The following NRXN3 variants were observed in gnomAD, a reference collection of about 807,000 sequenced individuals.
NRXN3 encodes the protein neurexin III.
In NRXN3, 32 loss-of-function variants were observed where a neutral mutation model predicts 137.6. The ratio of observed to expected loss-of-function variants is 0.23; its 90% CI spans 0.18 to 0.31. The LOEUF (loss-of-function observed/expected upper bound fraction) is 0.31. NRXN3 is among the 10% of genes least tolerant of loss of function. NRXN3 has a pLI of 1.00. For missense variants in NRXN3, 1,574 were observed against 2,062.5 expected (o/e 0.76, Z 4.59); for synonymous variants, 798 against 784.5 (o/e 1.02, Z -0.29).
At chr14:79,204,485 TA>T (rs1379573482) in intron 15 of NRXN3, among the ~76,000 whole-genome samples, 4 of 152,032 alleles carry the variant, frequency 2.6e-5, no homozygotes, top group East Asian at 3.9e-4. Context: ...GAGTTGGGTA[TA>T]AAAAGAAACA....
At chr14:78,493,515 C>T (rs1273396789) in intron 4 of NRXN3, among the ~76,000 whole-genome samples, 2 of 144,364 alleles carry the variant, frequency 1.4e-5, no homozygotes, top group Non-Finnish European at 3.0e-5. Context: ...AATCGTGAAA[C>T]TCCATCTCAA....
At chr14:78,368,259 G>T (rs1167878257) in intron 4 of NRXN3, among the ~76,000 whole-genome samples, 1 of 152,176 alleles carries the variant, frequency 6.6e-6, no homozygotes, top group South Asian at 2.1e-4. Context: ...TAAAAACAAT[G>T]TAGAAAGTAA....
intron 15 of NRXN3, among the ~76,000 whole-genome samples, chr14:79,166,256 A>C (rs900344974): frequency 6.6e-6 from 1 of 151,918 alleles, no homozygotes; most frequent in Non-Finnish European, 1.5e-5. Flanking sequence ...AGTAGTTAAA[A>C]AGTAGTACAA....
At chr14:78,328,696 G>T (rs906931812) in intron 4 of NRXN3, among the ~76,000 whole-genome samples, 10 of 152,274 alleles carry the variant, frequency 6.6e-5, no homozygotes, top group Admixed American at 4.6e-4. Flanking sequence ...TTCCAGATAT[G>T]TAATTTTAAT....
chr14:78,522,427 A>G (rs962643469), intron 4 of NRXN3, among the ~76,000 whole-genome samples: 3 of 152,186 alleles, frequency 2.0e-5, no homozygotes, highest in African/African-American at 7.2e-5. Flanking sequence ...TATTCAAGAT[A>G]GGAGAGTAGA....
rs1194930510 is a variant in NRXN3, at chr14:78,938,152, TCGTCACCATATC to T, written c.2276-19088_2276-19077del. Among the ~76,000 whole-genome samples the T allele has an allele frequency of 2.0e-5, 3 of 152,366 alleles. No individual in the cohort carries two copies. In the South Asian group the frequency reaches 6.2e-4, roughly 32 times the overall value. Reference sequence around the variant, plus strand: ...ACATTCTCTGTGTTAGTTCATTTATTCGTCACCATATCCCCTTGATTAAAGTGATGATGAGTC... The same window carrying T: ...ACATTCTCTGTGTTAGTTCATTTATTCCCTTGATTAAAGTGATGATGAGTC... On this transcript the variant is annotated intron_variant, in intron 10 of 20. Transcript: ENST00000335750.
intron 15 of NRXN3, among the ~76,000 whole-genome samples, chr14:79,323,985 C>T (rs149172496): frequency 2.3e-3 from 346 of 152,324 alleles, no homozygotes; most frequent in African/African-American, 7.5e-3. Context: ...TATATTATTT[C>T]TATTGCTGGT....
In NRXN3 at chr14:78,204,065, T is replaced by C. The variant is rs1192425099; in HGVS notation, c.-704+33391T>C. Among the ~76,000 whole-genome samples the C allele has an allele frequency of 2.6e-5, 4 of 152,154 alleles. No homozygotes were observed. The East Asian group carries it at 7.7e-4, about 29-fold the overall frequency. On this transcript the variant is annotated intron_variant, in intron 1 of 20. Coordinates refer to ENST00000335750, the MANE Select transcript of NRXN3 (RefSeq NM_001330195.2). ...GTACTCCATTACAGAGATGTAACAATTTACTTTATTCCTTATTGTTGGATA... is the reference window on the plus strand; with the variant it reads ...GTACTCCATTACAGAGATGTAACAACTTACTTTATTCCTTATTGTTGGATA...
intron 11 of NRXN3, among the ~76,000 whole-genome samples, chr14:78,958,646 C>T (rs531525588): frequency 4.6e-5 from 7 of 152,140 alleles, no homozygotes; most frequent in South Asian, 2.1e-4. Flanking sequence ...TGAGCCATCG[C>T]GCCAGGCCTT....
intron 19 of NRXN3, among the ~76,000 whole-genome samples, chr14:79,800,645 A>G (rs1311468010): frequency 6.6e-6 from 1 of 152,228 alleles, no homozygotes; most frequent in East Asian, 1.9e-4. Flanking sequence ...GTCTATCTGC[A>G]ACATGAAACC....
chr14:79,298,179 T>C (rs2084516968), intron 15 of NRXN3, among the ~76,000 whole-genome samples: 1 of 152,020 alleles, frequency 6.6e-6, no homozygotes, highest in Admixed American at 6.6e-5. Flanking sequence ...TATGAGCAGA[T>C]TGATTTTATA....
At chr14:79,651,548 GA>G (rs1312439785) in intron 16 of NRXN3, among the ~76,000 whole-genome samples, 3 of 151,922 alleles carry the variant, frequency 2.0e-5, no homozygotes, top group African/African-American at 7.3e-5. Context: ...GAAAAAAAAA[GA>G]ATTGTTCCAT....
intron 4 of NRXN3, among the ~76,000 whole-genome samples, chr14:78,454,518 G>T (rs1276716122): frequency 6.6e-6 from 1 of 152,228 alleles, no homozygotes. Context: ...CTTCCCAGGT[G>T]ATTCTAATGT....
At chr14:79,750,761 G>A (rs2098994867) in intron 19 of NRXN3, among the ~76,000 whole-genome samples, 1 of 151,998 alleles carries the variant, frequency 6.6e-6, no homozygotes, top group Admixed American at 6.6e-5. Flanking sequence ...GAGTCGCAAG[G>A]ACTCTTCCTC....
intron 8 of NRXN3, among the ~76,000 whole-genome samples, chr14:78,791,950 G>A (rs1003362713): frequency 2.6e-5 from 4 of 152,014 alleles, no homozygotes; most frequent in Non-Finnish European, 5.9e-5. Flanking sequence ...CAACGAAACT[G>A]TGTCTGAACA....
At chr14:79,035,313 A>G (rs1165725580) in intron 15 of NRXN3, among the ~76,000 whole-genome samples, 1 of 152,070 alleles carries the variant, frequency 6.6e-6, no homozygotes, top group Non-Finnish European at 1.5e-5. Flanking sequence ...CTGTCCTTTT[A>G]ATAGGCCTCA....
At chr14:79,132,574 C>T (rs1199479759) in intron 15 of NRXN3, among the ~76,000 whole-genome samples, 2 of 152,116 alleles carry the variant, frequency 1.3e-5, no homozygotes, top group African/African-American at 2.4e-5. Context: ...TATATATTTG[C>T]TTTGCATTAT....
At chr14:79,295,085 G>GCC (rs1251367121) in intron 15 of NRXN3, among the ~76,000 whole-genome samples, 1 of 151,996 alleles carries the variant, frequency 6.6e-6, no homozygotes, top group African/African-American at 2.4e-5. Flanking sequence ...ACAAAGGCTG[G>GCC]CCCCTTATCT....
intron 3 of NRXN3, among the ~76,000 whole-genome samples, chr14:78,293,694 C>T (rs2076030532): frequency 6.6e-6 from 1 of 152,202 alleles, no homozygotes; most frequent in African/African-American, 2.4e-5. Context: ...ATAACATCTT[C>T]CTTGGGTTTT....
Sources: gnomAD v4.1 joint callset for allele counts (sites outside exome capture counted in the v4.1 genomes callset) on GRCh38, gnomAD v4.1.1 for gene constraint, MANE v1.5 for transcripts, NCBI Gene and HGNC (gene_info 2026-07-23, HGNC 2026-07-21) for gene names.